Variants in STX11 observed in about 807,000 individuals in gnomAD.
STX11 encodes syntaxin-11.
STX11 carries 21 observed loss-of-function variants against 19.9 expected under a neutral mutation model. The observed-to-expected ratio is 1.06, with a 90% CI of 0.75 to 1.52. The LOEUF is 1.52. STX11 is among the 40% of genes most tolerant of loss of function. STX11 has a pLI of 0.00. For missense variants in STX11, 438 were observed against 405.9 expected, an observed-to-expected ratio of 1.08 and a Z score of -0.68; for synonymous variants, 193 against 174.4, an observed-to-expected ratio of 1.11 and a Z score of -0.84.
intron 1 of STX11, among the ~76,000 whole-genome samples, chr6:144,179,686 A>T (rs1483329163): frequency 6.6e-6 from 1 of 152,232 alleles, no homozygotes; most frequent in East Asian, 1.9e-4. Context: ...ACCAGGATGC[A>T]TGCCCTTGGG....
chr6:144,166,323 A>T (rs1801476040), intron 1 of STX11, among the ~76,000 whole-genome samples: 1 of 152,210 alleles, frequency 6.6e-6, no homozygotes, highest in African/African-American at 2.4e-5. Context: ...TATAAACATT[A>T]AGTCTTAAAG....
Position 144,191,295 on chromosome 6 carries a change from G to A in STX11, c.*3804G>A, listed in dbSNP as rs1429473696. Among the ~76,000 whole-genome samples the A allele has an allele frequency of 6.8e-6, 1 of 147,532 alleles. No individual in the cohort carries two copies. Among genetic ancestry groups the A allele is most frequent in the Non-Finnish European group, 1.5e-5 (1 of 67,144 alleles). On this transcript the variant is annotated 3_prime_UTR_variant, in exon 2 of 2. Coordinates refer to ENST00000367568, the MANE Select transcript of STX11 (RefSeq NM_003764.4). Reference sequence around the variant, plus strand: ...TCGGTATCCAGGATAATATGAGTTAGAATTTTAAAAATGTCAGTCATTCAA... The same window carrying A: ...TCGGTATCCAGGATAATATGAGTTAAAATTTTAAAAATGTCAGTCATTCAA...
At chr6:144,161,287 T>C (rs1234802570) in intron 1 of STX11, among the ~76,000 whole-genome samples, 1 of 152,172 alleles carries the variant, frequency 6.6e-6, no homozygotes, top group Non-Finnish European at 1.5e-5. Flanking sequence ...ATTATAATAG[T>C]GTCACTTCAT....
rs1170193954 is a variant in STX11 at position 144,151,988 on chromosome 6, C to A, written c.-6+1285C>A. ...GAGTTGAGCTGAATTCAGCCTCAAA[C>A]AACAGTTACCAGGTACCTTCTCTGT... On this transcript the variant is annotated intron_variant, in intron 1 of 1. Transcript: ENST00000367568. This position sits in a 1 kb window ranked among gnomAD's most constrained non-coding sequence, Gnocchi z 4.6. Among the ~76,000 whole-genome samples the A allele has an allele frequency of 6.6e-6, 1 of 152,148 alleles. No individual in the cohort carries two copies. The highest frequency in any genetic ancestry group is 1.5e-5 in the Non-Finnish European group (1 of 68,026).
the STX11 span, among the ~76,000 whole-genome samples, chr6:144,140,399 C>A: frequency 1.3e-4 from 20 of 151,464 alleles, no homozygotes. Flanking sequence ...GGACTACAGG[C>A]GCACGCCACC....
Position 144,190,915 on chromosome 6 carries a change from C to T in STX11, c.*3424C>T, listed in dbSNP as rs929863618. Among the ~76,000 whole-genome samples the T allele has an allele frequency of 2.0e-5, 3 of 152,086 alleles. No homozygotes were observed. The highest frequency in any genetic ancestry group is 4.4e-5 in the Non-Finnish European group (3 of 68,016). The stretch of plus-strand genomic sequence containing the variant: ...GCAGTGGGTGAAATGCTGGCTTTTT[C>T]CTTAAGAAATTGTGTTCTAGTGCCA... On this transcript the variant is annotated 3_prime_UTR_variant, in exon 2 of 2. Coordinates refer to ENST00000367568, the MANE Select transcript of STX11 (RefSeq NM_003764.4).
chr6:144,173,213 G>A (rs945690591), intron 1 of STX11, among the ~76,000 whole-genome samples: 1 of 152,212 alleles, frequency 6.6e-6, no homozygotes, highest in Admixed American at 6.5e-5. Context: ...CCAAGGTTGT[G>A]TGTGTGCTTT....
chr6:144,187,610 T>C lies in STX11; in HGVS notation c.*119T>C, dbSNP rs1802096829. 1 of 1,384,730 alleles carries C rather than the reference T, an allele frequency of 7.2e-7. No individual in the cohort carries two copies. The highest frequency in any genetic ancestry group is 9.9e-7 in the Non-Finnish European group (1 of 1,008,402). 85.8% of individuals were successfully genotyped at this position (1,384,730 alleles called of 1,614,324 possible). On this transcript the variant is annotated 3_prime_UTR_variant, in exon 2 of 2. Coordinates refer to ENST00000367568, the MANE Select transcript of STX11 (RefSeq NM_003764.4). The surrounding 1 kb of genome is among the most constrained non-coding windows in gnomAD (Gnocchi z 5.6). ...CCCCAACCCTTTCCGGAACTCAGTC[T>C]TTAGAAAAGAAACGCCAGGTTCAAG...
chr6:144,186,923 T>G lies in STX11; in HGVS notation c.296T>G (p.Val99Gly). Residue 99 changes from valine (V) to glycine (G), a missense_variant, in exon 2 of 2, where the codon GTC (valine) becomes GGC (glycine). Transcript: ENST00000367568. ...IAKAIKARGE[V>G]IHCKLRAMKE... ...AAGGCCATCAAGGCCCGGGGCGAGG[T>G]CATCCACTGCAAGCTGCGCGCCATG... 6.2e-7 allele frequency: 1 copy of G among 1,610,356 alleles called. No individual in the cohort carries two copies. Among genetic ancestry groups the G allele is most frequent in the Non-Finnish European group, 8.5e-7 (1 of 1,179,946 alleles).
intron 1 of STX11, among the ~76,000 whole-genome samples, chr6:144,157,231 C>G (rs949252018): frequency 6.6e-6 from 1 of 152,168 alleles, no homozygotes; most frequent in Admixed American, 6.5e-5. Context: ...TGCACAACAG[C>G]GGCCTCAACA....
chr6:144,140,945 C>G, the STX11 span: 1 of 292,664 alleles, frequency 3.4e-6, no homozygotes, highest in Non-Finnish European at 5.1e-6. Flanking sequence ...TATTCACATT[C>G]AAAACCAGTA....
intron 1 of STX11, among the ~76,000 whole-genome samples, chr6:144,178,019 T>A (rs1263732364): frequency 6.6e-6 from 1 of 152,228 alleles, no homozygotes; most frequent in African/African-American, 2.4e-5. Context: ...TTCCATGTGT[T>A]AATCCAGTTC....
chr6:144,166,967 G>C (rs968110737), intron 1 of STX11, among the ~76,000 whole-genome samples: 1 of 151,572 alleles, frequency 6.6e-6, no homozygotes, highest in South Asian at 2.1e-4. Flanking sequence ...AGTACAGTGT[G>C]ACTTGCCCTG....
intron 1 of STX11, among the ~76,000 whole-genome samples, chr6:144,181,617 A>T (rs3061570): frequency 8.9e-5 from 12 of 135,350 alleles, no homozygotes; most frequent in Non-Finnish European, 1.9e-4. Flanking sequence ...AAAAAAAAAA[A>T]GCTGACATGG....
At position 144,187,126 on chromosome 6, in the gene STX11, A is replaced by G; in HGVS notation, c.499A>G (p.Ile167Val). 3.7e-6 allele frequency: 6 copies of G among 1,613,946 alleles called. No individual in the cohort carries two copies. Among genetic ancestry groups the G allele is most frequent in the African/African-American group, 1.3e-5 (1 of 75,050 alleles). ...GATCCGCATCCAGCGCCAGCTGGAG[A>G]TCATGGGCAAGGAAGTCTCGGGCGA... The part of the protein sequence containing the change: ...CKIRIQRQLE[I>V]MGKEVSGDQI... Residue 167 changes from isoleucine to valine, a missense_variant, in exon 2 of 2, where the codon ATC (isoleucine) becomes GTC (valine). By Grantham distance (29) the Ile-to-Val change is conservative (BLOSUM62 3). Transcript: ENST00000367568. This position sits in a 1 kb window ranked among gnomAD's most constrained non-coding sequence, Gnocchi z 5.6.
Position 144,151,584 on chromosome 6 carries a change from T to A in STX11, c.-6+881T>A, listed in dbSNP as rs1277300005. Among the ~76,000 whole-genome samples the A allele has an allele frequency of 1.3e-5, 2 of 152,204 alleles. No individual in the cohort carries two copies. Among genetic ancestry groups the A allele is most frequent in the Non-Finnish European group, 2.9e-5 (2 of 68,040 alleles). On this transcript the variant is annotated intron_variant, in intron 1 of 1. Transcript: ENST00000367568. This position sits in a 1 kb window ranked among gnomAD's most constrained non-coding sequence, Gnocchi z 4.6. ...TTCAGTTTCCTAAGGCGCCTGATGTTACAACATGCCAGTAAAGGTCACTGG... is the reference window on the plus strand; with the variant it reads ...TTCAGTTTCCTAAGGCGCCTGATGTAACAACATGCCAGTAAAGGTCACTGG...
In STX11 at chr6:144,175,377, A is replaced by G. The variant is rs1004102256; in HGVS notation, c.-5-11246A>G. Among the ~76,000 whole-genome samples, 1 of 152,200 alleles carries G rather than the reference A, an allele frequency of 6.6e-6. No individual in the cohort carries two copies. The highest frequency in any genetic ancestry group is 1.5e-5 in the Non-Finnish European group (1 of 68,022). Reference sequence around the variant, plus strand: ...TGTAAATGGAAATGGCAATTACATAAGAGTTTTTTTCCACTTTGCTAATAA... The same window carrying G: ...TGTAAATGGAAATGGCAATTACATAGGAGTTTTTTTCCACTTTGCTAATAA... On this transcript the variant is annotated intron_variant, in intron 1 of 1. Coordinates refer to ENST00000367568, the MANE Select transcript of STX11 (RefSeq NM_003764.4). This position sits in a 1 kb window ranked among gnomAD's most constrained non-coding sequence, Gnocchi z 5.1.
upstream of STX11, among the ~76,000 whole-genome samples, chr6:144,150,365 G>C (rs376183372): frequency 0.01 from 1,539 of 152,296 alleles, 35 homozygotes; most frequent in African/African-American, 0.035. Flanking sequence ...CCCCGGCTCC[G>C]GGCGGTCCCG....
intron 1 of STX11, among the ~76,000 whole-genome samples, chr6:144,168,503 T>C (rs1204979673): frequency 6.6e-6 from 1 of 152,220 alleles, no homozygotes; most frequent in African/African-American, 2.4e-5. Context: ...GTAGCCTCTT[T>C]GTTGATGTTA....
Sources: gnomAD v4.1 joint callset for allele counts (sites outside exome capture counted in the v4.1 genomes callset) on GRCh38, gnomAD v4.1.1 for gene constraint, Gnocchi (gnomAD v3.1) non-coding constraint, MANE v1.5 for transcripts, NCBI Gene and HGNC (gene_info 2026-07-23, HGNC 2026-07-21) for gene names.